PAGE2B: variants seen among roughly 807,000 people sequenced by gnomAD.
PAGE2B encodes putative G antigen family E member 3.
In PAGE2B, 5 loss-of-function variants were observed where a neutral mutation model predicts 7.6. That is an observed-to-expected ratio of 0.66 (90% confidence interval 0.34 to 1.38). The LOEUF is 1.38. PAGE2B is among the 40% of genes most tolerant of loss of function. The probability of loss-of-function intolerance (pLI) is 0.04; values close to 1 mark genes in which losing one functional copy is unlikely to be tolerated. For synonymous variants in PAGE2B, 29 were observed against 26.7 expected, an observed-to-expected ratio of 1.09 and a Z score of -0.27; for missense variants, 70 against 78.4, an observed-to-expected ratio of 0.89 and a Z score of 0.41.
At chrX:55,044,297 A>G in the PAGE2B span, among the ~76,000 whole-genome samples, 4 of 111,706 alleles carry the variant, frequency 3.6e-5, no homozygotes, top group Non-Finnish European at 5.6e-5. Context: ...CTCAGCCATA[A>G]AAAGGAATGA....
upstream of PAGE2B, among the ~76,000 whole-genome samples, chrX:55,072,726 C>G (rs772268529): frequency 4.4e-5 from 5 of 112,553 alleles, no homozygotes; most frequent in East Asian, 1.4e-3. Flanking sequence ...ATCTATATGC[C>G]CCTGACTGGG....
the PAGE2B span, among the ~76,000 whole-genome samples, chrX:55,036,598 T>C: frequency 1.1e-4 from 12 of 111,315 alleles, no homozygotes; most frequent in African/African-American, 3.6e-4. Context: ...GCCAAGTCAA[T>C]CCTAAGCCAA....
the PAGE2B span, among the ~76,000 whole-genome samples, chrX:55,041,718 G>A: frequency 1.2e-3 from 135 of 111,565 alleles, no homozygotes; most frequent in African/African-American, 4.3e-3. Flanking sequence ...CAGGCTCTGG[G>A]GCAGCCACAG....
At chrX:55,072,967 GAGAATTTC>G (rs759323656), upstream of PAGE2B, among the ~76,000 whole-genome samples, 17 of 111,755 alleles carry the variant, frequency 1.5e-4, no homozygotes, top group South Asian at 6.4e-3. Context: ...GGCTGGCAAT[GAGAATTTC>G]AAGCCAGTGC....
the PAGE2B span, among the ~76,000 whole-genome samples, chrX:55,042,902 A>T: frequency 9.1e-6 from 1 of 110,116 alleles, no homozygotes; most frequent in Admixed American, 9.8e-5. Context: ...AAGATTAAGC[A>T]AAAAGAACAA....
the PAGE2B span, among the ~76,000 whole-genome samples, chrX:55,051,904 G>C: frequency 1.8e-5 from 2 of 111,561 alleles, no homozygotes; most frequent in African/African-American, 6.5e-5. Context: ...AGAGTTTCCG[G>C]TTTTTCTGCT....
the PAGE2B span, among the ~76,000 whole-genome samples, chrX:55,057,471 A>C: frequency 9.0e-6 from 1 of 111,524 alleles, no homozygotes; most frequent in Non-Finnish European, 1.9e-5. Context: ...CAGTCTATGG[A>C]ATGGCCTTGA....
chrX:55,044,265 G>A, the PAGE2B span, among the ~76,000 whole-genome samples: 1 of 111,367 alleles, frequency 9.0e-6, no homozygotes, highest in African/African-American at 3.3e-5. Flanking sequence ...AAAATGTGGT[G>A]TATACACACC....
the PAGE2B span, among the ~76,000 whole-genome samples, chrX:55,053,429 C>T: frequency 1.8e-5 from 2 of 111,561 alleles, no homozygotes; most frequent in Non-Finnish European, 3.8e-5. Context: ...GGCTTAATAC[C>T]CAGGTGATGG....
intron 1 of PAGE2B, 115 bp from the exon 2 acceptor site, chrX:55,075,919 C>T (rs1221952455): frequency 8.0e-6 from 6 of 749,171 alleles, no homozygotes; most frequent in Non-Finnish European, 9.5e-6. Flanking sequence ...CTGTGAATTA[C>T]GTTGAAAATA....
At chrX:55,070,770 C>T (rs1228843984), upstream of PAGE2B, among the ~76,000 whole-genome samples, 1 of 111,775 alleles carries the variant, frequency 8.9e-6, no homozygotes, top group Non-Finnish European at 1.9e-5. Context: ...TTGCATTGAT[C>T]CCTTTACCAT....
the PAGE2B span, chrX:55,045,185 G>A: frequency 3.6e-5 from 4 of 111,593 alleles, no homozygotes; most frequent in Non-Finnish European, 7.5e-5. Flanking sequence ...TTCAGAGTTC[G>A]GTATGATGAT....
the PAGE2B span, among the ~76,000 whole-genome samples, chrX:55,031,421 T>A: frequency 3.6e-5 from 4 of 111,842 alleles, no homozygotes; most frequent in African/African-American, 1.3e-4. Context: ...TTGTAACAAT[T>A]TGGTAATATC....
At chrX:55,031,283 A>T in the PAGE2B span, among the ~76,000 whole-genome samples, 1 of 111,537 alleles carries the variant, frequency 9.0e-6, no homozygotes, top group African/African-American at 3.3e-5. Flanking sequence ...CCTCAACTAT[A>T]AAAGGAGGGC....
chrX:55,065,942 A>T, the PAGE2B span, among the ~76,000 whole-genome samples: 8 of 111,460 alleles, frequency 7.2e-5, no homozygotes, highest in African/African-American at 2.6e-4. Context: ...ATTATTTTTG[A>T]TTGGTTTATC....
chrX:55,071,145 T>G (rs1936444859), upstream of PAGE2B, among the ~76,000 whole-genome samples: 1 of 111,817 alleles, frequency 8.9e-6, no homozygotes. Flanking sequence ...TCTTTACGAT[T>G]AGTTTTTTTT....
At chrX:55,067,800 C>G in the PAGE2B span, among the ~76,000 whole-genome samples, 1 of 112,325 alleles carries the variant, frequency 8.9e-6, no homozygotes, top group South Asian at 3.7e-4. Context: ...TTCTAATGAC[C>G]AGTGATGATG....
chrX:55,076,905 A>C (rs1039400837), intron 3 of PAGE2B, among the ~76,000 whole-genome samples: 1 of 111,688 alleles, frequency 9.0e-6, no homozygotes, highest in Non-Finnish European at 1.9e-5. Context: ...TGGTTGCCAT[A>C]AACCTTTTTC....
the PAGE2B span, among the ~76,000 whole-genome samples, chrX:55,033,501 A>G: frequency 0.034 from 3,792 of 111,143 alleles, 171 homozygotes; most frequent in African/African-American, 0.12. Flanking sequence ...GTCTGGAGGG[A>G]GAAGTAAGTT....
Sources: allele counts gnomAD v4.1 joint callset (sites outside exome capture counted in the v4.1 genomes callset), GRCh38; gene constraint gnomAD v4.1.1; transcripts MANE v1.5; gene names NCBI Gene and HGNC (gene_info 2026-07-23, HGNC 2026-07-21).